The following RAPGEF4 variants were observed in gnomAD, a reference collection of about 807,000 sequenced individuals.
RAPGEF4 encodes the protein Rap guanine nucleotide exchange factor 4, also known as RAP guanine-nucleotide-exchange factor (GEF) 4.
A neutral mutation model predicts 147.9 loss-of-function variants in RAPGEF4; 66 were observed. The ratio of observed to expected loss-of-function variants is 0.45; its 90% CI spans 0.37 to 0.55. The LOEUF is 0.55. Among genes scored for constraint, RAPGEF4 ranks in the 20% least tolerant of loss-of-function variants. RAPGEF4 has a pLI of 0.00. For synonymous variants in RAPGEF4, 419 were observed against 442.7 expected (o/e 0.95, Z 0.67); for missense variants, 1,071 against 1,257.3 (o/e 0.85, Z 2.24).
intron 10 of RAPGEF4, among the ~76,000 whole-genome samples, chr2:172,974,945 C>T (rs374088856): frequency 1.5e-4 from 23 of 152,190 alleles, no homozygotes; most frequent in Middle Eastern, 3.4e-3. Flanking sequence ...CAGAATCCAA[C>T]GGGCCATATG....
chr2:172,913,022 ACTAT>A (rs1292799366), intron 4 of RAPGEF4, among the ~76,000 whole-genome samples: 2 of 151,366 alleles, frequency 1.3e-5, no homozygotes, highest in Non-Finnish European at 2.9e-5. Flanking sequence ...CAGCCTCTCA[ACTAT>A]CTGGGATTAC....
chr2:172,817,898 C>T (rs1489413566), intron 4 of RAPGEF4, among the ~76,000 whole-genome samples: 1 of 133,108 alleles, frequency 7.5e-6, no homozygotes, highest in Admixed American at 7.8e-5. Context: ...ATATATATAT[C>T]ACAATTATAT....
intron 4 of RAPGEF4, among the ~76,000 whole-genome samples, chr2:172,846,420 C>CT (rs1172862451): frequency 1.3e-5 from 2 of 152,166 alleles, no homozygotes; most frequent in Non-Finnish European, 2.9e-5. Flanking sequence ...GTCAGGAGTT[C>CT]TTTTTAAAAA....
intron 6 of RAPGEF4, among the ~76,000 whole-genome samples, chr2:172,940,636 T>G (rs1687053217): frequency 6.6e-6 from 1 of 152,198 alleles, no homozygotes; most frequent in South Asian, 2.1e-4. Flanking sequence ...TCAACCTCTT[T>G]TCTTGTAAAT....
chr2:172,857,468 C>T (rs528259850), intron 4 of RAPGEF4, among the ~76,000 whole-genome samples: 1 of 152,262 alleles, frequency 6.6e-6, no homozygotes, highest in Admixed American at 6.5e-5. Flanking sequence ...TTATTTGAGA[C>T]GCGAGTTTAT....
intron 4 of RAPGEF4, among the ~76,000 whole-genome samples, chr2:172,819,461 C>CTTTGTTTTTTTTT (rs1688832571): frequency 1.1e-5 from 1 of 87,008 alleles, no homozygotes; most frequent in Non-Finnish European, 2.1e-5. Flanking sequence ...ATTTTTAGTT[C>CTTTGTTTTTTTTT]TTTTTTTTTT....
intron 1 of RAPGEF4, among the ~76,000 whole-genome samples, chr2:172,777,682 G>A (rs1047666630): frequency 3.9e-5 from 6 of 151,994 alleles, no homozygotes; most frequent in African/African-American, 1.4e-4. Flanking sequence ...AATTCTGATT[G>A]CTGCCTCCCC....
intron 4 of RAPGEF4, among the ~76,000 whole-genome samples, chr2:172,825,143 GT>G (rs1474993072): frequency 6.6e-6 from 1 of 152,164 alleles, no homozygotes; most frequent in Non-Finnish European, 1.5e-5. Context: ...TACCATGTCA[GT>G]AATGCATTTA....
intron 4 of RAPGEF4, among the ~76,000 whole-genome samples, chr2:172,884,027 T>C (rs1368196894): frequency 6.6e-6 from 1 of 152,230 alleles, no homozygotes; most frequent in Non-Finnish European, 1.5e-5. Flanking sequence ...AATTTTTGTC[T>C]TCATTGATTA....
intron 3 of RAPGEF4, among the ~76,000 whole-genome samples, chr2:172,812,384 GA>G (rs1688108423): frequency 6.6e-6 from 1 of 152,200 alleles, no homozygotes; most frequent in African/African-American, 2.4e-5. Flanking sequence ...CTACCGTGAT[GA>G]AATTTTGTTG....
intron 1 of RAPGEF4, among the ~76,000 whole-genome samples, chr2:172,753,963 G>A (rs989657146): frequency 6.6e-6 from 1 of 152,102 alleles, no homozygotes; most frequent in African/African-American, 2.4e-5. Flanking sequence ...CAATTAACAT[G>A]TGTTGACATA....
Position 173,011,517 on chromosome 2 carries a change from T to C in RAPGEF4, c.1659-2947T>C, listed in dbSNP as rs898983654. Among the ~76,000 whole-genome samples the C allele has an allele frequency of 2.6e-5, 4 of 152,170 alleles. No individual in the cohort carries two copies. In the East Asian group the frequency reaches 7.7e-4, roughly 29 times the overall value. On this transcript the variant is annotated intron_variant, in intron 17 of 30. Transcript: ENST00000397081. ...TATGAATTGTAAAGCTCTATACACATGTTATCATAACAAGTAGGAAAGAAT... is the reference window on the plus strand; with the variant it reads ...TATGAATTGTAAAGCTCTATACACACGTTATCATAACAAGTAGGAAAGAAT...
intron 4 of RAPGEF4, among the ~76,000 whole-genome samples, chr2:172,886,621 A>G (rs1697249811): frequency 6.6e-6 from 1 of 151,626 alleles, no homozygotes; most frequent in African/African-American, 2.4e-5. Context: ...ACATTTCCAG[A>G]CCTGGAGTGT....
intron 30 of RAPGEF4, among the ~76,000 whole-genome samples, chr2:173,050,712 T>C (rs1686102237): frequency 6.7e-6 from 1 of 148,270 alleles, no homozygotes; most frequent in Admixed American, 6.9e-5. Context: ...CATTTTAAAA[T>C]TGGGAGAATT....
At chr2:173,046,080 A>C (rs886248204) in intron 29 of RAPGEF4, among the ~76,000 whole-genome samples, 1 of 152,226 alleles carries the variant, frequency 6.6e-6, no homozygotes, top group Admixed American at 6.5e-5. Flanking sequence ...CACACCATTA[A>C]ACATTATTGT....
intron 6 of RAPGEF4, among the ~76,000 whole-genome samples, chr2:172,930,473 C>T (rs1174048605): frequency 2.0e-5 from 3 of 152,114 alleles, no homozygotes; most frequent in Admixed American, 6.6e-5. Flanking sequence ...GCTCCTTTTC[C>T]GTTATAATTA....
At chr2:172,844,721 T>G (rs769057636) in intron 4 of RAPGEF4, among the ~76,000 whole-genome samples, 1 of 152,236 alleles carries the variant, frequency 6.6e-6, no homozygotes, top group East Asian at 1.9e-4. Flanking sequence ...CATTTTGTAC[T>G]TGTTCTCCAA....
At chr2:172,760,381 G>T (rs1696191396) in intron 1 of RAPGEF4, among the ~76,000 whole-genome samples, 2 of 152,224 alleles carry the variant, frequency 1.3e-5, no homozygotes, top group Admixed American at 1.3e-4. Context: ...AAAGAAGAAA[G>T]AAGTGGAAAT....
chr2:173,033,860 A>C (rs1192870798), intron 26 of RAPGEF4, 54 bp from the exon 27 acceptor site: 27 of 1,527,002 alleles, frequency 1.8e-5, no homozygotes, highest in Non-Finnish European at 2.4e-5. Flanking sequence ...CCCATGATAC[A>C]TATCTAGATA....
Sources: allele counts gnomAD v4.1 joint callset (sites outside exome capture counted in the v4.1 genomes callset), GRCh38; gene constraint gnomAD v4.1.1; transcripts MANE v1.5; gene names NCBI Gene and HGNC (gene_info 2026-07-23, HGNC 2026-07-21).